The following ZFPM2 variants were observed in gnomAD, a reference collection of about 807,000 sequenced individuals.
The protein encoded by ZFPM2 is zinc finger protein ZFPM2.
Under a neutral mutation model 98.6 loss-of-function variants are expected in ZFPM2, and 20 were observed. The observed-to-expected ratio is 0.20, with a 90% CI of 0.14 to 0.29. ZFPM2 has a LOEUF of 0.29. Ranked by LOEUF, ZFPM2 falls within the 10% of genes least tolerant of loss-of-function variation. The pLI is 1.00. For missense variants in ZFPM2, 1,310 were observed against 1,388.6 expected (o/e 0.94, Z 0.90); for synonymous variants, 518 against 502.7 (o/e 1.03, Z -0.41).
At chr8:105,676,283 C>T (rs1478320477) in intron 5 of ZFPM2, among the ~76,000 whole-genome samples, 1 of 152,098 alleles carries the variant, frequency 6.6e-6, no homozygotes, top group Non-Finnish European at 1.5e-5. Flanking sequence ...GTGCTTTGTA[C>T]CACCTAGTGA....
chr8:105,561,892 A>T (rs1052086494), intron 4 of ZFPM2, among the ~76,000 whole-genome samples: 5 of 152,328 alleles, frequency 3.3e-5, no homozygotes, highest in African/African-American at 1.2e-4. Flanking sequence ...GTACCTTTAA[A>T]AGCAGGGATG....
At chr8:105,478,090 A>G (rs1563677186) in intron 3 of ZFPM2, among the ~76,000 whole-genome samples, 5 of 152,232 alleles carry the variant, frequency 3.3e-5, no homozygotes, top group Admixed American at 1.3e-4. Flanking sequence ...GTCATTTGAC[A>G]TAACTCTACT....
chr8:105,648,637 C>T (rs1430687864), intron 5 of ZFPM2, among the ~76,000 whole-genome samples: 1 of 152,140 alleles, frequency 6.6e-6, no homozygotes, highest in Non-Finnish European at 1.5e-5. Context: ...AATAGGGAAT[C>T]CTTTCCCCAT....
rs1320360650 is a variant in ZFPM2, at chr8:105,361,300, T to C, written c.40+42319T>C. Among the ~76,000 whole-genome samples, 284 of 148,272 alleles carry C rather than the reference T, an allele frequency of 1.9e-3. 4 individuals are homozygous for C. Among genetic ancestry groups the C allele is most frequent in the African/African-American group, 6.9e-3 (274 of 39,864 alleles). ...TTGAGAAGTGTCTGTTCATATCCTT[T>C]GCCCACTTTTTGATGGGGTTTTGTT... On this transcript the variant is annotated intron_variant, in intron 1 of 7. Coordinates refer to ENST00000407775, the MANE Select transcript of ZFPM2 (RefSeq NM_012082.4).
At chr8:105,341,400 T>C (rs1186224012) in intron 1 of ZFPM2, among the ~76,000 whole-genome samples, 1 of 151,826 alleles carries the variant, frequency 6.6e-6, no homozygotes, top group African/African-American at 2.4e-5. Flanking sequence ...TATGATATTA[T>C]ACAATATATG....
At chr8:105,576,821 T>A (rs1815477904) in intron 4 of ZFPM2, among the ~76,000 whole-genome samples, 2 of 152,160 alleles carry the variant, frequency 1.3e-5, no homozygotes, top group Admixed American at 1.3e-4. Flanking sequence ...ATTGTCTGCA[T>A]GAAAGAGTAG....
At chr8:105,385,193 T>G (rs772123935) in intron 1 of ZFPM2, among the ~76,000 whole-genome samples, 3 of 152,222 alleles carry the variant, frequency 2.0e-5, no homozygotes, top group Admixed American at 2.0e-4. Context: ...ACATGCCTCA[T>G]GCATATTTTG....
At chr8:105,382,347 T>C (rs1211795966) in intron 1 of ZFPM2, among the ~76,000 whole-genome samples, 3 of 152,046 alleles carry the variant, frequency 2.0e-5, no homozygotes, top group Non-Finnish European at 4.4e-5. Context: ...GCGTTAAAAA[T>C]TGCAAAACAT....
chr8:105,685,741 A>G (rs1377337009), intron 5 of ZFPM2: 2 of 152,106 alleles, frequency 1.3e-5, no homozygotes, highest in Non-Finnish European at 2.9e-5. Flanking sequence ...ATGTAGAAGC[A>G]TACCTTTATC....
chr8:105,322,630 C>T (rs752758020), intron 1 of ZFPM2, among the ~76,000 whole-genome samples: 3 of 151,870 alleles, frequency 2.0e-5, no homozygotes, highest in Admixed American at 6.6e-5. Context: ...CTTTTCAGAG[C>T]GTAGTGCATA....
intron 1 of ZFPM2, among the ~76,000 whole-genome samples, chr8:105,353,633 T>C (rs1483814121): frequency 6.6e-6 from 1 of 152,216 alleles, no homozygotes; most frequent in Non-Finnish European, 1.5e-5. Context: ...AGTAGCTAAT[T>C]AGCAATAGTT....
Position 105,329,265 on chromosome 8 carries a change from C to A in ZFPM2, c.40+10284C>A, listed in dbSNP as rs557511673. ...AGGCAAGCCTGAAGGACAAAAAGGTCAGTTTCTGTGTAGTGTCAAGTAATG... is the reference window on the plus strand; with the variant it reads ...AGGCAAGCCTGAAGGACAAAAAGGTAAGTTTCTGTGTAGTGTCAAGTAATG... On this transcript the variant is annotated intron_variant, in intron 1 of 7. Transcript: ENST00000407775. Among the ~76,000 whole-genome samples, 9 of 151,922 alleles carry A rather than the reference C, an allele frequency of 5.9e-5. No individual in the cohort carries two copies. The South Asian group carries it at 1.9e-3, about 31-fold the overall frequency.
intron 3 of ZFPM2, among the ~76,000 whole-genome samples, chr8:105,529,845 C>G (rs1188762722): frequency 1.3e-5 from 2 of 151,976 alleles, no homozygotes; most frequent in Admixed American, 6.6e-5. Flanking sequence ...ATTCTCCTGC[C>G]TCAACTTCCC....
intron 5 of ZFPM2, among the ~76,000 whole-genome samples, chr8:105,674,896 A>G (rs1173927616): frequency 3.3e-5 from 5 of 152,144 alleles, no homozygotes; most frequent in African/African-American, 4.8e-5. Flanking sequence ...AAACCCATAG[A>G]TCTAGGCACC....
chr8:105,718,247 G>C (rs763678145), intron 5 of ZFPM2, among the ~76,000 whole-genome samples: 1 of 151,914 alleles, frequency 6.6e-6, no homozygotes, highest in Non-Finnish European at 1.5e-5. Flanking sequence ...AAATGGGGAT[G>C]ATTCTGGGTG....
chr8:105,783,686 A>G (rs1230788897), intron 5 of ZFPM2, among the ~76,000 whole-genome samples: 1 of 152,142 alleles, frequency 6.6e-6, no homozygotes, highest in Non-Finnish European at 1.5e-5. Context: ...AATGTCCTCA[A>G]GCTTCATCCA....
At chr8:105,431,756 T>C (rs1030740215) in intron 2 of ZFPM2, among the ~76,000 whole-genome samples, 7 of 151,582 alleles carry the variant, frequency 4.6e-5, no homozygotes, top group African/African-American at 1.7e-4. Context: ...CTATAAAAAA[T>C]AACAAACAGA....
chr8:105,342,239 C>CA (rs1812444062), intron 1 of ZFPM2, among the ~76,000 whole-genome samples: 1 of 151,960 alleles, frequency 6.6e-6, no homozygotes, highest in African/African-American at 2.4e-5. Flanking sequence ...GTTATAATGT[C>CA]AAAATCTCCT....
intron 4 of ZFPM2, among the ~76,000 whole-genome samples, chr8:105,624,899 T>A (rs1816623023): frequency 6.6e-6 from 1 of 152,196 alleles, no homozygotes; most frequent in Admixed American, 6.5e-5. Flanking sequence ...AATTCTATCA[T>A]TTTATTTCAC....
Sources: allele counts gnomAD v4.1 joint callset (sites outside exome capture counted in the v4.1 genomes callset), GRCh38; gene constraint gnomAD v4.1.1; transcripts MANE v1.5; gene names NCBI Gene and HGNC (gene_info 2026-07-23, HGNC 2026-07-21).